Variants in GRN observed in about 807,000 individuals in gnomAD.
GRN encodes the protein progranulin.
In GRN, 30 loss-of-function variants were observed where a neutral mutation model predicts 66.7. That is an observed-to-expected ratio of 0.45 (90% CI 0.34 to 0.61). The LOEUF (loss-of-function observed/expected upper bound fraction) is 0.61. GRN is among the 20% of genes least tolerant of loss of function. The pLI is 0.01. For missense variants in GRN, 731 were observed against 803.5 expected (o/e 0.91, Z 1.09); for synonymous variants, 327 against 311.1 (o/e 1.05, Z -0.54).
At chr17:44,349,805 G>A in intron 4 of GRN, 54 bp downstream of exon 4, 1 of 1,222,380 alleles carries the variant, frequency 8.2e-7, no homozygotes, top group Non-Finnish European at 1.2e-6. Flanking sequence ...GTGGAGTCTG[G>A]AACCCAGGAG....
At chr17:44,351,958 C>T (rs1019977576) in intron 10 of GRN, 57 bp from the exon 11 acceptor site, 17 of 1,494,180 alleles carry the variant, frequency 1.1e-5, no homozygotes, top group African/African-American at 1.1e-4. Flanking sequence ...GGTAGGGGCT[C>T]GGCACTGCGC....
chr17:44,350,654 C>G (rs767536746), intron 6 of GRN, 37 bp from the exon 7 acceptor site: 35 of 1,608,454 alleles, frequency 2.2e-5, no homozygotes, highest in Non-Finnish European at 1.9e-5. Context: ...AAAGTTTCCT[C>G]CATCCTGGCT....
chr17:44,352,532 A>C lies in GRN; in HGVS notation c.1605A>C (p.Arg535=). 6.2e-7 allele frequency: 1 copy of C among 1,613,560 alleles called. No individual in the cohort carries two copies. The highest frequency in any genetic ancestry group is 8.5e-7 in the Non-Finnish European group (1 of 1,179,906). Residue 535 remains arginine (R), a synonymous_variant, in exon 12 of 13, where the codon CGA becomes CGC. Transcript: ENST00000053867. The stretch of plus-strand genomic sequence containing the variant: ...GCCATGATAACCAGACCTGCTGCCG[A>C]GACAACCGACAGGGCTGGGCCTGCT... The part of the protein sequence containing the change: ...HFCHDNQTCC[R]DNRQGWACCP...
Position 44,351,476 on chromosome 17 carries a change from G to A in GRN, c.933+16G>A, listed in dbSNP as rs770904139. 177 of 1,611,722 alleles carry A rather than the reference G, an allele frequency of 1.1e-4. 2 individuals carry two copies. The South Asian group carries it at 1.1e-3, about 10-fold the overall frequency. Reference sequence around the variant, plus strand: ...TTTTACCCAGGTACCCAGGGGTGGCGGGTGGGTGGGCTGAGCACAGTGTGG... The same window carrying A: ...TTTTACCCAGGTACCCAGGGGTGGCAGGTGGGTGGGCTGAGCACAGTGTGG... On this transcript the variant is annotated intron_variant, in intron 9 of 12. Coordinates refer to ENST00000053867, the MANE Select transcript of GRN (RefSeq NM_002087.4).
rs1261212296 is a variant in GRN, at chr17:44,349,571, A to G, written c.264+20A>G. ...CCAGAGGTGAGCGTGCCATCAGCCC[A>G]GTGGAGGGGCTTAGGTCTGCATTTA... is the stretch of plus-strand genomic sequence containing the variant. On this transcript the variant is annotated intron_variant, in intron 3 of 12. Coordinates refer to ENST00000053867, the MANE Select transcript of GRN (RefSeq NM_002087.4). 6.2e-7 allele frequency: 1 copy of G among 1,613,978 alleles called. No homozygotes were observed. Among genetic ancestry groups the G allele is most frequent in the Non-Finnish European group, 8.5e-7 (1 of 1,179,910 alleles).
rs753486849 is a variant in GRN, at chr17:44,352,405, G to A, written c.1478G>A (p.Arg493Gln). 11 of 1,613,872 alleles carry A rather than the reference G, an allele frequency of 6.8e-6. No individual in the cohort carries two copies. The highest frequency in any genetic ancestry group is 9.3e-6 in the Non-Finnish European group (11 of 1,180,028). ...GGCTACACCTGCAACGTGAAGGCTC[G>A]ATCCTGCGAGAAGGAAGTGGTCTCT... ...PAGYTCNVKA[R>Q]SCEKEVVSAQ... Residue 493 changes from arginine (R) to glutamine (Q), a missense_variant, in exon 12 of 13, where the codon CGA (arginine) becomes CAA (glutamine). Around this residue, in one of 3 missense-constraint regions of GRN, gnomAD observed 319 missense variants for 347.2 expected, o/e 0.92. Coordinates refer to ENST00000053867, the MANE Select transcript of GRN (RefSeq NM_002087.4).
chr17:44,348,412 C>T (rs946480332), intron 1 of GRN, among the ~76,000 whole-genome samples: 1 of 152,172 alleles, frequency 6.6e-6, no homozygotes, highest in African/African-American at 2.4e-5. Context: ...GAGGCAAGGG[C>T]AGGGTTTAGC....
Position 44,351,866 on chromosome 17 carries a change from G to A in GRN, c.1179+71G>A. On this transcript the variant is annotated intron_variant, in intron 10 of 12. Transcript: ENST00000053867. The stretch of plus-strand genomic sequence containing the variant: ...AAGCTCCTATTGCTTTCTGCCCTCC[G>A]CATAGCCCATAGGTGATACCCAGCT... 8 of 1,542,810 alleles carry A rather than the reference G, an allele frequency of 5.2e-6. No homozygotes were observed. The South Asian group carries it at 5.6e-5, about 11-fold the overall frequency.
At chr17:44,347,567 G>A (rs528624151) in intron 1 of GRN, among the ~76,000 whole-genome samples, 40 of 152,030 alleles carry the variant, frequency 2.6e-4, no homozygotes, top group Admixed American at 2.5e-3. Flanking sequence ...GATTACAGGC[G>A]TTAGCCACCG....
rs748758630 is a variant in GRN, at chr17:44,352,161, C to T, written c.1326C>T (p.Ile442=). Residue 442 remains isoleucine (I), a synonymous_variant, in exon 11 of 13, where the codon ATC becomes ATT. Coordinates refer to ENST00000053867, the MANE Select transcript of GRN (RefSeq NM_002087.4). The stretch of plus-strand genomic sequence containing the variant: ...CTTCCTTATCCCACCCCAGAGACAT[C>T]GGCTGTGACCAGCACACCAGCTGCC... ...RRASLSHPRD[I]GCDQHTSCPV... is the part of the protein sequence containing the mutation. 1.4e-5 allele frequency: 22 copies of T among 1,613,616 alleles called. No homozygotes were observed. The African/African-American group carries it at 2.1e-4, about 16-fold the overall frequency.
chr17:44,351,161 C>T lies in GRN; in HGVS notation c.833C>T (p.Thr278Ile). The T allele has an allele frequency of 6.2e-7, 1 of 1,614,158 alleles. No individual in the cohort carries two copies. Residue 278 changes from threonine to isoleucine, a missense_variant and splice_region_variant, in exon 8 of 13, where the codon ACA becomes ATA. By Grantham distance (89) the Thr-to-Ile change is moderately conservative. Transcript: ENST00000053867. The stretch of plus-strand genomic sequence containing the variant: ...CTCCTCACTAAGCTGCCTGCGCACA[C>T]AGGTACCAGAGGCAGGGTGCAGATA... ...TDLLTKLPAH[T>I]VGDVKCDMEV... is the part of the protein sequence containing the mutation.
At position 44,352,208 on chromosome 17, in the gene GRN, C is replaced by T. The variant is rs63750537; in HGVS notation, c.1373C>T (p.Pro458Leu). Reference protein sequence around the residue: ...TSCPVGQTCCPSLGGSWACCQ... With the variant: ...TSCPVGQTCCLSLGGSWACCQ... ...TGCCCGGTGGGGCAGACCTGCTGCC[C>T]GAGCCTGGGTGGGAGCTGGGCCTGC... Residue 458 changes from proline to leucine, a missense_variant, in exon 11 of 13, where the codon CCG (proline) becomes CTG (leucine). Transcript: ENST00000053867. 3.0e-5 allele frequency: 49 copies of T among 1,612,952 alleles called. No homozygotes were observed. The highest frequency in any genetic ancestry group is 3.5e-5 in the Non-Finnish European group (41 of 1,179,892).
At chr17:44,351,912 T>C in intron 10 of GRN, 103 bp from the exon 11 acceptor site, 2 of 1,468,594 alleles carry the variant, frequency 1.4e-6, no homozygotes, top group Non-Finnish European at 1.9e-6. Flanking sequence ...CGTCCCCAGC[T>C]GGAGGTGCTG....
intron 11 of GRN, 28 bp from the exon 12 acceptor site, chr17:44,352,313 T>C (rs1463397267): frequency 6.2e-7 from 1 of 1,607,696 alleles, no homozygotes; most frequent in South Asian, 1.1e-5. Flanking sequence ...AGGAACATAA[T>C]GCCATTCTGT....
intron 7 of GRN, 46 bp downstream of exon 7, chr17:44,350,846 C>G (rs375978297): frequency 8.1e-6 from 12 of 1,485,178 alleles, no homozygotes; most frequent in African/African-American, 1.4e-5. Flanking sequence ...CCCCAGCCAC[C>G]TGGCCCTGAC....
chr17:44,352,200 C>T lies in GRN; in HGVS notation c.1365C>T (p.Thr455=). The change falls in exon 11 of 13, where the codon ACC becomes ACT. Residue 455 remains threonine (T), a synonymous_variant. Transcript: ENST00000053867. ...DQHTSCPVGQ[T]CCPSLGGSWA... ...ACACCAGCTGCCCGGTGGGGCAGACCTGCTGCCCGAGCCTGGGTGGGAGCT... is the reference window on the plus strand; with the variant it reads ...ACACCAGCTGCCCGGTGGGGCAGACTTGCTGCCCGAGCCTGGGTGGGAGCT... 6.2e-7 allele frequency: 1 copy of T among 1,613,218 alleles called. No homozygotes were observed. Among genetic ancestry groups the T allele is most frequent in the Non-Finnish European group, 8.5e-7 (1 of 1,179,818 alleles).
Position 44,349,723 on chromosome 17 carries a change from A to G in GRN, c.321A>G (p.Ala107=). Residue 107 remains alanine, a synonymous_variant, in exon 4 of 13, where the codon GCA becomes GCG. Transcript: ENST00000053867. ...GCCCACGGGGCTTCCACTGCAGTGC[A>G]GACGGGCGATCCTGCTTCCAAAGAT... The part of the protein sequence containing the change: ...HCCPRGFHCS[A]DGRSCFQRSG... 1 of 1,611,528 alleles carries G rather than the reference A, an allele frequency of 6.2e-7. No homozygotes were observed. Among genetic ancestry groups the G allele is most frequent in the East Asian group, 2.2e-5 (1 of 44,880 alleles).
chr17:44,352,360 G>T lies in GRN; in HGVS notation c.1433G>T (p.Arg478Leu). The T allele has an allele frequency of 6.2e-7, 1 of 1,612,982 alleles. No individual in the cohort carries two copies. Among genetic ancestry groups the T allele is most frequent in the Non-Finnish European group, 8.5e-7 (1 of 1,179,666 alleles). ...QLPHAVCCED[R>L]QHCCPAGYTC... The stretch of plus-strand genomic sequence containing the variant: ...CGCCAGGCTGTGTGCTGCGAGGATC[G>T]CCAGCACTGCTGCCCGGCTGGCTAC... Residue 478 changes from arginine (R) to leucine (L), a missense_variant, in exon 12 of 13, where the codon CGC (arginine) becomes CTC (leucine). Around this residue, in one of 3 missense-constraint regions of GRN, gnomAD observed 319 missense variants for 347.2 expected, o/e 0.92. Coordinates refer to ENST00000053867, the MANE Select transcript of GRN (RefSeq NM_002087.4).
chr17:44,347,944 AG>A (rs368946511), intron 1 of GRN, among the ~76,000 whole-genome samples: 47,110 of 136,216 alleles, frequency 0.35, 8,972 homozygotes, highest in East Asian at 0.62. Flanking sequence ...AAAAAAAAAA[AG>A]GGGGTGAGCA....
Sources: allele counts gnomAD v4.1 joint callset (sites outside exome capture counted in the v4.1 genomes callset), GRCh38; gene constraint gnomAD v4.1.1; regional missense constraint gnomAD v4.1.1; transcripts MANE v1.5; gene names NCBI Gene and HGNC (gene_info 2026-07-23, HGNC 2026-07-21).